The following MIPOL1 variants were observed in gnomAD, a reference collection of about 807,000 sequenced individuals.
MIPOL1 encodes the protein mirror-image polydactyly 1.
Under a neutral mutation model 60.9 loss-of-function variants are expected in MIPOL1, and 57 were observed. That is an observed-to-expected ratio of 0.94 (90% CI 0.76 to 1.17). The LOEUF (loss-of-function observed/expected upper bound fraction) is 1.17. Among genes scored for constraint, MIPOL1 ranks in the 50% most tolerant of loss-of-function variants. The probability of loss-of-function intolerance (pLI) is 0.00; values close to 1 mark genes in which losing one functional copy is unlikely to be tolerated. For synonymous variants in MIPOL1, 179 were observed against 168.8 expected, an observed-to-expected ratio of 1.06 and a Z score of -0.47; for missense variants, 551 against 511.6, an observed-to-expected ratio of 1.08 and a Z score of -0.74.
chr14:37,267,782 A>C (rs2082993619), intron 4 of MIPOL1, among the ~76,000 whole-genome samples: 1 of 152,220 alleles, frequency 6.6e-6, no homozygotes, highest in Non-Finnish European at 1.5e-5. Flanking sequence ...ATTGATATAC[A>C]TGACATATCA....
chr14:37,519,689 G>T (rs2095398251), intron 12 of MIPOL1, among the ~76,000 whole-genome samples: 1 of 151,786 alleles, frequency 6.6e-6, no homozygotes, highest in Non-Finnish European at 1.5e-5. Flanking sequence ...ACTGTTACAG[G>T]GGAACAAAAG....
At chr14:37,496,785 G>T (rs2095137141) in intron 11 of MIPOL1, among the ~76,000 whole-genome samples, 2 of 152,088 alleles carry the variant, frequency 1.3e-5, no homozygotes, top group South Asian at 4.1e-4. Flanking sequence ...TTTCTTCACA[G>T]AATTGGAAAA....
chr14:37,268,548 C>A, intron 4 of MIPOL1, 110 bp from the exon 5 acceptor site: 2 of 790,244 alleles, frequency 2.5e-6, no homozygotes, highest in Non-Finnish European at 3.9e-6. Flanking sequence ...TTTCCTTTCC[C>A]TTCCTTTATG....
At chr14:37,469,403 G>A (rs939657797) in intron 11 of MIPOL1, among the ~76,000 whole-genome samples, 3 of 152,054 alleles carry the variant, frequency 2.0e-5, no homozygotes, top group Admixed American at 6.5e-5. Flanking sequence ...CAGCACCAAG[G>A]AGTGGTACTA....
At chr14:37,363,846 A>G (rs10151022) in intron 9 of MIPOL1, among the ~76,000 whole-genome samples, 152,204 of 152,284 alleles carry the variant, frequency 1, 76,062 homozygotes, top group Non-Finnish European at 1. Context: ...AATGGCGGAT[A>G]CCCCTCCCCC....
At chr14:37,210,212 A>G (rs753636882) in intron 1 of MIPOL1, among the ~76,000 whole-genome samples, 1 of 151,794 alleles carries the variant, frequency 6.6e-6, no homozygotes, top group Non-Finnish European at 1.5e-5. Context: ...CCCCAATTCA[A>G]TTCTGACACT....
At chr14:37,311,741 T>A (rs1169229422) in intron 9 of MIPOL1, among the ~76,000 whole-genome samples, 2 of 152,154 alleles carry the variant, frequency 1.3e-5, no homozygotes, top group African/African-American at 4.8e-5. Flanking sequence ...TTTCTCTAAT[T>A]TTGTTATCTT....
chr14:37,341,104 A>G (rs977109577), intron 9 of MIPOL1, among the ~76,000 whole-genome samples: 2 of 152,206 alleles, frequency 1.3e-5, no homozygotes, highest in Non-Finnish European at 2.9e-5. Flanking sequence ...TTGCACAACA[A>G]CAAAATAGCC....
chr14:37,200,302 T>C (rs763590226), intron 1 of MIPOL1, among the ~76,000 whole-genome samples: 3 of 152,218 alleles, frequency 2.0e-5, no homozygotes, highest in Admixed American at 1.3e-4. Context: ...CCTTTAAATA[T>C]GTAAAAACAA....
intron 7 of MIPOL1, among the ~76,000 whole-genome samples, chr14:37,296,414 C>T (rs918245018): frequency 6.6e-6 from 1 of 152,124 alleles, no homozygotes; most frequent in African/African-American, 2.4e-5. Flanking sequence ...CAAGAGCAAA[C>T]ACATTCAAAA....
At chr14:37,230,638 G>T (rs1372302609) in intron 1 of MIPOL1, among the ~76,000 whole-genome samples, 1 of 152,182 alleles carries the variant, frequency 6.6e-6, no homozygotes, top group African/African-American at 2.4e-5. Flanking sequence ...ATTTTGGTCA[G>T]AATCTTGGTT....
intron 9 of MIPOL1, among the ~76,000 whole-genome samples, chr14:37,342,235 G>GC (rs1267172239): frequency 2.0e-5 from 3 of 151,666 alleles, no homozygotes; most frequent in Non-Finnish European, 1.5e-5. Flanking sequence ...GGTGGTGTGT[G>GC]CCCCCCAGCT....
In MIPOL1 at chr14:37,356,586, C is replaced by A. The variant is rs181788010; in HGVS notation, c.829-12931C>A. Among the ~76,000 whole-genome samples, 39 of 152,314 alleles carry A rather than the reference C, an allele frequency of 2.6e-4. No individual in the cohort carries two copies. The East Asian group carries it at 6.8e-3, about 27-fold the overall frequency. On this transcript the variant is annotated intron_variant, in intron 9 of 12. Transcript: ENST00000684589. ...TCTGTGGGTGTAGGACCCTCCGAGC[C>A]AGGTGCGGGATATAATCTCATGGTG...
intron 7 of MIPOL1, among the ~76,000 whole-genome samples, chr14:37,307,169 A>G (rs2086854896): frequency 6.6e-6 from 1 of 151,834 alleles, no homozygotes; most frequent in Non-Finnish European, 1.5e-5. Context: ...AGGAGCACAG[A>G]AACGGGGAAA....
At chr14:37,293,159 T>A (rs2085265960) in intron 7 of MIPOL1, among the ~76,000 whole-genome samples, 2 of 152,150 alleles carry the variant, frequency 1.3e-5, no homozygotes, top group South Asian at 4.1e-4. Flanking sequence ...TACTTTTCTC[T>A]GGGCTGTCTA....
At chr14:37,308,754 T>C (rs1379922825) in intron 9 of MIPOL1, among the ~76,000 whole-genome samples, 1 of 152,116 alleles carries the variant, frequency 6.6e-6, no homozygotes, top group African/African-American at 2.4e-5. Context: ...TTAATAAAAT[T>C]AAACTTGTTT....
At chr14:37,312,535 CT>C (rs2087441417) in intron 9 of MIPOL1, among the ~76,000 whole-genome samples, 1 of 152,132 alleles carries the variant, frequency 6.6e-6, no homozygotes, top group Admixed American at 6.6e-5. Flanking sequence ...AATTTGTTGA[CT>C]TTGATACACT....
At chr14:37,286,484 G>T (rs1445054292) in intron 7 of MIPOL1, among the ~76,000 whole-genome samples, 2 of 152,092 alleles carry the variant, frequency 1.3e-5, no homozygotes, top group African/African-American at 2.4e-5. Context: ...AGAACATCTA[G>T]AAATATGTTA....
chr14:37,421,209 T>A (rs1002952271), intron 10 of MIPOL1, among the ~76,000 whole-genome samples: 1 of 152,156 alleles, frequency 6.6e-6, no homozygotes, highest in Non-Finnish European at 1.5e-5. Context: ...ATTTTTGTTT[T>A]GTTGGTTGGT....
Sources: allele counts gnomAD v4.1 joint callset (sites outside exome capture counted in the v4.1 genomes callset), GRCh38; gene constraint gnomAD v4.1.1; transcripts MANE v1.5; gene names NCBI Gene and HGNC (gene_info 2026-07-23, HGNC 2026-07-21).